Variants in EIF3E observed in about 807,000 individuals in gnomAD.
EIF3E encodes the protein eIF-3 p48.
In EIF3E, 25 loss-of-function variants were observed where a neutral mutation model predicts 59.3. The ratio of observed to expected loss-of-function variants is 0.42; its 90% CI spans 0.31 to 0.59. The LOEUF is 0.59. Ranked by LOEUF, EIF3E falls within the 20% of genes least tolerant of loss-of-function variation. EIF3E has a pLI of 0.15. For synonymous variants in EIF3E, 176 were observed against 170.2 expected, an observed-to-expected ratio of 1.03 and a Z score of -0.26; for missense variants, 317 against 534.3, an observed-to-expected ratio of 0.59 and a Z score of 4.01.
At chr8:108,246,641 T>C (rs1815955257) in intron 1 of EIF3E, among the ~76,000 whole-genome samples, 1 of 152,174 alleles carries the variant, frequency 6.6e-6, no homozygotes, top group South Asian at 2.1e-4. Flanking sequence ...ACACCAAGTG[T>C]GCCTGCCTTT....
At chr8:108,231,654 G>A (rs1815623414) in intron 5 of EIF3E, among the ~76,000 whole-genome samples, 1 of 152,050 alleles carries the variant, frequency 6.6e-6, no homozygotes. Context: ...AGGCCACAAT[G>A]AGGGAAAATT....
At chr8:108,225,573 G>A (rs981144702) in intron 7 of EIF3E, among the ~76,000 whole-genome samples, 1 of 151,524 alleles carries the variant, frequency 6.6e-6, no homozygotes, top group Admixed American at 6.5e-5. Context: ...CATGGTTTCA[G>A]ATTCTACATT....
intron 7 of EIF3E, among the ~76,000 whole-genome samples, chr8:108,225,345 T>C (rs1039046452): frequency 4.0e-5 from 6 of 151,536 alleles, no homozygotes; most frequent in Non-Finnish European, 7.3e-5. Flanking sequence ...TTTCTATGGG[T>C]CTGGTAGTGA....
At chr8:108,241,401 T>C (rs1425260378) in intron 2 of EIF3E, among the ~76,000 whole-genome samples, 1 of 151,980 alleles carries the variant, frequency 6.6e-6, no homozygotes, top group Non-Finnish European at 1.5e-5. Context: ...GGGGACCATA[T>C]TTGGAGAACA....
chr8:108,204,322 G>A (rs554301555), intron 10 of EIF3E, among the ~76,000 whole-genome samples: 37 of 152,052 alleles, frequency 2.4e-4, no homozygotes, highest in African/African-American at 8.9e-4. Flanking sequence ...ACTAATGAGT[G>A]GATAAAGTAA....
intron 3 of EIF3E, among the ~76,000 whole-genome samples, chr8:108,236,447 T>G (rs1469873939): frequency 6.6e-6 from 1 of 152,234 alleles, no homozygotes; most frequent in Non-Finnish European, 1.5e-5. Flanking sequence ...TTAGTGTGTT[T>G]CACCACAACT....
chr8:108,208,031 G>A (rs1815134661), intron 10 of EIF3E, among the ~76,000 whole-genome samples: 1 of 152,006 alleles, frequency 6.6e-6, no homozygotes, highest in African/African-American at 2.4e-5. Context: ...CTTAATTTAG[G>A]GAACTGATAA....
intron 4 of EIF3E, 49 bp downstream of exon 4, chr8:108,236,112 T>A (rs1815724931): frequency 2.6e-6 from 4 of 1,530,398 alleles, no homozygotes; most frequent in Non-Finnish European, 3.6e-6. Context: ...CAGTCTTTAG[T>A]CAGCATTATT....
chr8:108,212,789 A>AGGACTG (rs1253406785), intron 10 of EIF3E, among the ~76,000 whole-genome samples: 2 of 144,834 alleles, frequency 1.4e-5, no homozygotes, highest in Admixed American at 1.4e-4. Context: ...GCAACAGTGC[A>AGGACTG]GGACTGTGTC....
At chr8:108,238,906 A>C (rs938358824) in intron 3 of EIF3E, among the ~76,000 whole-genome samples, 1 of 152,178 alleles carries the variant, frequency 6.6e-6, no homozygotes, top group African/African-American at 2.4e-5. Flanking sequence ...TTTATTTTTA[A>C]ATGTTTCTAG....
At chr8:108,246,318 G>T (rs956164535) in intron 1 of EIF3E, among the ~76,000 whole-genome samples, 54 of 150,906 alleles carry the variant, frequency 3.6e-4, no homozygotes, top group African/African-American at 7.8e-4. Flanking sequence ...TCACATAGCA[G>T]GATCACTGAC....
Position 108,245,128 on chromosome 8 carries a change from C to T in EIF3E, c.91-3215G>A, listed in dbSNP as rs187987440. On this transcript the variant is annotated intron_variant, in intron 1 of 12. Coordinates refer to ENST00000220849, the MANE Select transcript of EIF3E (RefSeq NM_001568.3). ...CTCCTCAAAACCCTCACTGCCCCCC[C>T]CTCCCATCCCATACCAATACAGAAT... 5.3e-5 allele frequency among the ~76,000 whole-genome samples: 8 copies of T among 151,280 alleles called. No homozygotes were observed. The East Asian group carries it at 1.6e-3, about 29-fold the overall frequency.
At chr8:108,235,991 A>G (rs1193711697) in intron 4 of EIF3E, among the ~76,000 whole-genome samples, 170 bp downstream of exon 4, 1 of 152,244 alleles carries the variant, frequency 6.6e-6, no homozygotes, top group Non-Finnish European at 1.5e-5. Context: ...TTTTCCTGTC[A>G]GCAACAATTT....
intron 10 of EIF3E, among the ~76,000 whole-genome samples, chr8:108,210,184 A>G (rs1815180477): frequency 6.6e-6 from 1 of 151,724 alleles, no homozygotes; most frequent in Admixed American, 6.6e-5. Context: ...TCTGTTTATT[A>G]CTTTTTAGAG....
chr8:108,223,422 T>TA (rs1815457874), intron 7 of EIF3E, among the ~76,000 whole-genome samples: 1 of 152,186 alleles, frequency 6.6e-6, no homozygotes, highest in Non-Finnish European at 1.5e-5. Context: ...GAGTTTTTTT[T>TA]ACCAGGAACT....
intron 10 of EIF3E, among the ~76,000 whole-genome samples, chr8:108,211,607 C>T (rs576640759): frequency 9.9e-5 from 15 of 152,042 alleles, no homozygotes; most frequent in African/African-American, 3.6e-4. Flanking sequence ...CTTAGAAACA[C>T]GAAGAAGCTT....
intron 10 of EIF3E, among the ~76,000 whole-genome samples, chr8:108,208,974 C>T (rs564519143): frequency 1.3e-5 from 2 of 152,102 alleles, no homozygotes; most frequent in South Asian, 4.2e-4. Context: ...TCCTACATAT[C>T]AATAAGGTTG....
Position 108,201,597 on chromosome 8 carries a change from G to C in EIF3E, c.*288C>G, listed in dbSNP as rs377909. 173,928 of 225,850 alleles carry C rather than the reference G, an allele frequency of 0.77. 68,319 individuals are homozygous for C. The highest frequency in any genetic ancestry group is 0.93 in the African/African-American group (40,776 of 43,780). The allele number at this position is 225,850 out of a possible 1,614,324, so 14.0% of individuals were successfully genotyped here. ...TGGTTTTGATACTGTACCATAGTAA[G>C]ACAAAGTGAAAAAATTGAGGGAAAC... On this transcript the variant is annotated 3_prime_UTR_variant, in exon 13 of 13. Transcript: ENST00000220849.
Position 108,201,991 on chromosome 8 carries a change from G to T in EIF3E, c.1300-68C>A, listed in dbSNP as rs544758305. The stretch of plus-strand genomic sequence containing the variant: ...CTTTCGGAAAAAAACTAACATAGAA[G>T]AAAGTAACACAGCATTTACTTCAGC... On this transcript the variant is annotated intron_variant, in intron 12 of 12. Coordinates refer to ENST00000220849, the MANE Select transcript of EIF3E (RefSeq NM_001568.3). The T allele has an allele frequency of 6.4e-5, 90 of 1,404,492 alleles. No homozygotes were observed. In the African/African-American group the frequency reaches 1.2e-3, roughly 19 times the overall value. The allele number at this position is 1,404,492 out of a possible 1,614,324, so 87.0% of individuals were successfully genotyped here. A position where few individuals can be genotyped will look rare whatever the true frequency, so the allele number is the denominator to read the frequency against.
Sources: gnomAD v4.1 joint callset for allele counts (sites outside exome capture counted in the v4.1 genomes callset) on GRCh38, gnomAD v4.1.1 for gene constraint, MANE v1.5 for transcripts, NCBI Gene and HGNC (gene_info 2026-07-23, HGNC 2026-07-21) for gene names.